Variants in SDK1 observed in about 807,000 individuals in gnomAD.
SDK1 encodes protein sidekick-1.
In SDK1, 157 loss-of-function variants were observed where a neutral mutation model predicts 245.5. The observed-to-expected ratio is 0.64, with a 90% CI of 0.56 to 0.73. The LOEUF is 0.73. Among genes scored for constraint, SDK1 ranks in the 30% least tolerant of loss-of-function variants. SDK1 has a pLI of 0.00. For synonymous variants in SDK1, 1,647 were observed against 1,278.5 expected (o/e 1.29, Z -6.15); for missense variants, 3,583 against 3,002.3 (o/e 1.19, Z -4.52).
intron 26 of SDK1, 121 bp downstream of exon 26, chr7:4,127,617 T>G: frequency 1.4e-6 from 1 of 700,782 alleles, no homozygotes. Context: ...CGTCAGCCAG[T>G]TTGTGATTTT....
chr7:3,817,580 A>G lies in SDK1; in HGVS notation c.714-3870A>G, dbSNP rs147592170. Among the ~76,000 whole-genome samples the G allele has an allele frequency of 1.4e-4, 22 of 152,264 alleles. No individual in the cohort carries two copies. The East Asian group carries it at 3.3e-3, about 23-fold the overall frequency. ...GTGCTTCCAGGATTCCGACGTCAGT[A>G]TCACATCCCTGAAGGCAGCTGATCT... On this transcript the variant is annotated intron_variant, in intron 4 of 44. Coordinates refer to ENST00000404826, the MANE Select transcript of SDK1 (RefSeq NM_152744.4).
intron 28 of SDK1, among the ~76,000 whole-genome samples, chr7:4,133,823 C>T (rs1785023933): frequency 6.6e-6 from 1 of 152,182 alleles, no homozygotes; most frequent in South Asian, 2.1e-4. Flanking sequence ...ATTGCCATAC[C>T]AGACACCCCG....
intron 4 of SDK1, among the ~76,000 whole-genome samples, chr7:3,686,427 A>G (rs1330540774): frequency 6.6e-6 from 1 of 152,186 alleles, no homozygotes; most frequent in Non-Finnish European, 1.5e-5. Context: ...TTAACATCAG[A>G]CAGAGCATAT....
At chr7:3,540,138 G>A (rs1184737548) in intron 1 of SDK1, among the ~76,000 whole-genome samples, 1 of 152,258 alleles carries the variant, frequency 6.6e-6, no homozygotes, top group South Asian at 2.1e-4. Context: ...CGGGTGTGGT[G>A]GCTGACGCCG....
At position 3,761,569 on chromosome 7, in the gene SDK1, A is replaced by G. The variant is rs1223668736; in HGVS notation, c.714-59881A>G. 2.0e-5 allele frequency among the ~76,000 whole-genome samples: 3 copies of G among 149,098 alleles called. No individual in the cohort carries two copies. The East Asian group carries it at 5.8e-4, about 29-fold the overall frequency. On this transcript the variant is annotated intron_variant, in intron 4 of 44. Coordinates refer to ENST00000404826, the MANE Select transcript of SDK1 (RefSeq NM_152744.4). ...ACTCCATCTCAAAAAAAAAAAAAAT[A>G]ATAATAATAGGCCTAATCATTGTAC...
intron 3 of SDK1, among the ~76,000 whole-genome samples, 156 bp from the exon 4 acceptor site, chr7:3,641,802 G>A (rs1319692078): frequency 1.3e-5 from 2 of 152,204 alleles, no homozygotes. Context: ...AAGCAGATCC[G>A]CGTTGGTCAG....
chr7:4,145,625 A>C, intron 28 of SDK1, 97 bp from the exon 29 acceptor site: 1 of 1,046,860 alleles, frequency 9.6e-7, no homozygotes, highest in East Asian at 2.6e-5. Flanking sequence ...GAAGAGACAG[A>C]TGGCCTTCCA....
At chr7:3,475,207 C>T (rs1156781132) in intron 1 of SDK1, among the ~76,000 whole-genome samples, 1 of 152,228 alleles carries the variant, frequency 6.6e-6, no homozygotes, top group African/African-American at 2.4e-5. Flanking sequence ...AACTCTCCCT[C>T]CTGCTCTTTA....
intron 4 of SDK1, among the ~76,000 whole-genome samples, chr7:3,692,505 A>C (rs1274201028): frequency 6.6e-6 from 1 of 152,140 alleles, no homozygotes; most frequent in African/African-American, 2.4e-5. Flanking sequence ...AAGCTTGTTG[A>C]ATAATTTGTA....
rs6961315 is a variant in SDK1, at chr7:4,089,163, C to T, written c.3324+9579C>T. Among the ~76,000 whole-genome samples, 272 of 145,182 alleles carry T rather than the reference C, an allele frequency of 1.9e-3. 1 individual carries two copies. The highest frequency in any genetic ancestry group is 2.9e-3 in the Admixed American group (43 of 14,682). ...TGAGACCCTCCTTCAGGTGGAGGTG[C>T]GACCCTCGTGGGCATCTGCAGGATG... On this transcript the variant is annotated intron_variant, in intron 22 of 44. Coordinates refer to ENST00000404826, the MANE Select transcript of SDK1 (RefSeq NM_152744.4).
At chr7:4,068,275 A>C (rs1429306607) in intron 20 of SDK1, among the ~76,000 whole-genome samples, 3 of 152,202 alleles carry the variant, frequency 2.0e-5, no homozygotes, top group Non-Finnish European at 4.4e-5. Context: ...CTTAATTCTC[A>C]TAGCAGCATG....
intron 4 of SDK1, among the ~76,000 whole-genome samples, chr7:3,802,308 G>C (rs1002139649): frequency 7.9e-5 from 12 of 152,104 alleles, no homozygotes; most frequent in African/African-American, 2.4e-4. Flanking sequence ...AGGATCACTT[G>C]AGCCTGGAAG....
At chr7:3,360,946 G>C (rs930345247) in intron 1 of SDK1, among the ~76,000 whole-genome samples, 24 of 152,292 alleles carry the variant, frequency 1.6e-4, no homozygotes, top group African/African-American at 5.5e-4. Context: ...CAACACGTTT[G>C]AATAGTAAGG....
chr7:3,355,043 T>G (rs1318680669), intron 1 of SDK1, among the ~76,000 whole-genome samples: 2 of 152,206 alleles, frequency 1.3e-5, no homozygotes, highest in African/African-American at 4.8e-5. Context: ...CTGATTAAAT[T>G]GTGGTGGGAA....
chr7:3,828,245 TCCAA>T (rs1038298467), intron 5 of SDK1, among the ~76,000 whole-genome samples: 95 of 152,032 alleles, frequency 6.2e-4, no homozygotes, highest in Middle Eastern at 6.8e-3. Context: ...TCCACTGCAC[TCCAA>T]CCAAGGCGAC....
intron 1 of SDK1, among the ~76,000 whole-genome samples, chr7:3,316,584 A>AGT (rs1469969178): frequency 4.6e-5 from 7 of 152,196 alleles, no homozygotes; most frequent in African/African-American, 1.7e-4. Flanking sequence ...TATATGCTGT[A>AGT]GTGTAGTAGG....
At chr7:4,166,150 T>A (rs1457735944) in intron 32 of SDK1, among the ~76,000 whole-genome samples, 2 of 152,206 alleles carry the variant, frequency 1.3e-5, no homozygotes, top group Non-Finnish European at 2.9e-5. Context: ...GATCACACCA[T>A]ACGGGAGGCT....
At chr7:4,090,522 C>T (rs1211504220) in intron 22 of SDK1, among the ~76,000 whole-genome samples, 1 of 152,130 alleles carries the variant, frequency 6.6e-6, no homozygotes, top group Admixed American at 6.6e-5. Context: ...CTCAAACTTC[C>T]CTCCATTTGG....
chr7:4,151,640 G>A (rs762472890), intron 30 of SDK1, among the ~76,000 whole-genome samples: 35 of 152,030 alleles, frequency 2.3e-4, no homozygotes, highest in Non-Finnish European at 3.2e-4. Flanking sequence ...CGCCATCCTC[G>A]TCGCCATCAT....
Sources: allele counts gnomAD v4.1 joint callset (sites outside exome capture counted in the v4.1 genomes callset), GRCh38; gene constraint gnomAD v4.1.1; transcripts MANE v1.5; gene names NCBI Gene and HGNC (gene_info 2026-07-23, HGNC 2026-07-21).